The following TFCP2L1 variants were observed in gnomAD, a reference collection of about 807,000 sequenced individuals.
The protein encoded by TFCP2L1 is transcription factor CP2-like protein 1.
A neutral mutation model predicts 72.2 loss-of-function variants in TFCP2L1; 12 were observed. The observed-to-expected ratio is 0.17, with a 90% CI of 0.11 to 0.27. TFCP2L1 has a LOEUF of 0.27. Ranked by LOEUF, TFCP2L1 falls within the 10% of genes least tolerant of loss-of-function variation. The pLI is 1.00. For synonymous variants in TFCP2L1, 260 were observed against 251.0 expected, an observed-to-expected ratio of 1.04 and a Z score of -0.34; for missense variants, 488 against 624.6, an observed-to-expected ratio of 0.78 and a Z score of 2.33.
chr2:121,233,314 T>A (rs564504969), intron 12 of TFCP2L1, among the ~76,000 whole-genome samples: 4 of 152,174 alleles, frequency 2.6e-5, no homozygotes, highest in Non-Finnish European at 5.9e-5. Context: ...ATGATTCTCC[T>A]GCCTCAGCTG....
At chr2:121,225,460 G>T in intron 14 of TFCP2L1, 102 bp downstream of exon 14, 3 of 1,132,626 alleles carry the variant, frequency 2.6e-6, no homozygotes, top group Non-Finnish European at 3.9e-6. Flanking sequence ...TTTCTCAAAG[G>T]CTTTTCCCAG....
intron 2 of TFCP2L1, among the ~76,000 whole-genome samples, chr2:121,250,887 GA>G (rs545513573): frequency 1.0e-3 from 151 of 151,754 alleles, no homozygotes; most frequent in Admixed American, 9.2e-3. Flanking sequence ...TTACAGGCGT[GA>G]GCCACCATGC....
At chr2:121,240,687 G>T (rs1686350051) in intron 7 of TFCP2L1, 2 of 985,282 alleles carry the variant, frequency 2.0e-6, no homozygotes, top group Non-Finnish European at 2.4e-6. Flanking sequence ...GAGAGGTTGA[G>T]GCTGTTAGGG....
chr2:121,240,365 G>A, intron 7 of TFCP2L1: 1 of 985,452 alleles, frequency 1.0e-6, no homozygotes, highest in Non-Finnish European at 1.2e-6. Flanking sequence ...CTATCCAGCT[G>A]AAAAAGTTCA....
intron 13 of TFCP2L1, 71 bp from the exon 14 acceptor site, chr2:121,225,684 C>T (rs1686014903): frequency 4.5e-6 from 7 of 1,545,378 alleles, no homozygotes; most frequent in Admixed American, 1.7e-5. Flanking sequence ...GGTGGCAGAG[C>T]CTAGCCATGC....
rs1440852119 is a variant in TFCP2L1, at chr2:121,220,265, G to C, written c.*4076C>G. The C allele has an allele frequency of 6.6e-6, 1 of 152,226 alleles. No homozygotes were observed. The highest frequency in any genetic ancestry group is 1.5e-5 in the Non-Finnish European group (1 of 68,102). 9.4% of individuals were successfully genotyped at this position (152,226 alleles called of 1,614,324 possible). A position where few individuals can be genotyped will look rare whatever the true frequency, so the allele number is the denominator to read the frequency against. ...AAGGGGCTCTGGGCTGTCTGGGCAA[G>C]AGGTCACTAGGGCAACACCTGACCT... On this transcript the variant is annotated 3_prime_UTR_variant, in exon 15 of 15. Transcript: ENST00000263707.
chr2:121,278,288 G>A (rs1334733304), intron 2 of TFCP2L1, among the ~76,000 whole-genome samples: 1 of 148,626 alleles, frequency 6.7e-6, no homozygotes, highest in African/African-American at 2.5e-5. Context: ...CACCCGCCTC[G>A]GCCTCCCAAA....
chr2:121,232,012 T>C lies in TFCP2L1; in HGVS notation c.1199-44A>G, dbSNP rs28547123. 4.4e-3 allele frequency: 6,800 copies of C among 1,543,132 alleles called. 217 individuals are homozygous for C. In the African/African-American group the frequency reaches 0.068, roughly 15 times the overall value. On this transcript the variant is annotated intron_variant, in intron 12 of 14. Transcript: ENST00000263707. ...AGTGCTGCTTTCCAAGTGGCCATTC[T>C]GTCAGTGTGAGCCTCCCACCCGCCC...
At chr2:121,270,719 G>C (rs911725685) in intron 2 of TFCP2L1, among the ~76,000 whole-genome samples, 4 of 151,818 alleles carry the variant, frequency 2.6e-5, no homozygotes, top group Admixed American at 2.0e-4. Flanking sequence ...AAAAAAAAAA[G>C]CAGCAGGACA....
intron 2 of TFCP2L1, among the ~76,000 whole-genome samples, chr2:121,260,234 A>G (rs2104728037): frequency 6.6e-6 from 1 of 152,222 alleles, no homozygotes; most frequent in African/African-American, 2.4e-5. Flanking sequence ...TAAGTAGCCT[A>G]CAGCCTGGCC....
At chr2:121,276,351 T>G (rs1395316982) in intron 2 of TFCP2L1, among the ~76,000 whole-genome samples, 1 of 151,824 alleles carries the variant, frequency 6.6e-6, no homozygotes, top group Non-Finnish European at 1.5e-5. Flanking sequence ...TTGCTGAGAA[T>G]GATGGGTTTT....
chr2:121,243,315 G>C (rs1013889619), intron 6 of TFCP2L1, among the ~76,000 whole-genome samples: 5 of 152,170 alleles, frequency 3.3e-5, no homozygotes, highest in Non-Finnish European at 7.3e-5. Flanking sequence ...CAAGCTCAAC[G>C]GCACCTTGAG....
intron 11 of TFCP2L1, among the ~76,000 whole-genome samples, chr2:121,234,704 C>T (rs999222110): frequency 1.3e-5 from 2 of 152,206 alleles, no homozygotes; most frequent in Non-Finnish European, 2.9e-5. Context: ...ATAAAAATTT[C>T]GTCCATCACA....
At chr2:121,276,560 G>A (rs1455828493) in intron 2 of TFCP2L1, among the ~76,000 whole-genome samples, 3 of 151,348 alleles carry the variant, frequency 2.0e-5, no homozygotes, top group Admixed American at 6.6e-5. Flanking sequence ...CTGAGCCCGC[G>A]AGGCAGAGGC....
Position 121,222,331 on chromosome 2 carries a change from C to G in TFCP2L1, c.*2010G>C, listed in dbSNP as rs1685942147. On this transcript the variant is annotated 3_prime_UTR_variant, in exon 15 of 15. Transcript: ENST00000263707. The stretch of plus-strand genomic sequence containing the variant: ...TGCTAAAAGAAATGAAAACATATGT[C>G]CACACAAAATCTTGTAGAAATATGT... The G allele has an allele frequency of 6.6e-6, 1 of 152,176 alleles. No homozygotes were observed. The highest frequency in any genetic ancestry group is 2.1e-4 in the South Asian group (1 of 4,826). The allele number at this position is 152,176 out of a possible 1,614,324, so 9.4% of individuals were successfully genotyped here.
chr2:121,235,392 A>T, intron 10 of TFCP2L1, 81 bp from the exon 11 acceptor site: 9 of 1,082,040 alleles, frequency 8.3e-6, no homozygotes, highest in Non-Finnish European at 1.2e-5. Flanking sequence ...CAGACCCCAT[A>T]GCACTGGGGG....
rs1461922005 is a variant in TFCP2L1 at position 121,281,235 on chromosome 2, T to C, written c.99A>G (p.Glu33=). 4 of 1,610,140 alleles carry C rather than the reference T, an allele frequency of 2.5e-6. No homozygotes were observed. Among genetic ancestry groups the C allele is most frequent in the South Asian group, 1.1e-5 (1 of 90,920 alleles). ...VLALPIFKQE[E]PQLSPENEAR... ...CCTCGTTCTCGGGGGACAGCTGGGG[T>C]TCCTCCTGCTTGAAGATGGGCAGAG... The change falls in exon 2 of 15, where the codon GAA becomes GAG. Residue 33 remains glutamate, a synonymous_variant. Transcript: ENST00000263707.
intron 2 of TFCP2L1, among the ~76,000 whole-genome samples, chr2:121,275,111 G>A (rs187275281): frequency 4.7e-4 from 71 of 152,132 alleles, no homozygotes; most frequent in Non-Finnish European, 8.1e-4. Context: ...GAGGCTGGGC[G>A]CGGTGGCTCA....
In TFCP2L1 at chr2:121,246,967, G is replaced by A. The variant is rs772513568; in HGVS notation, c.508C>T (p.His170Tyr). Residue 170 changes from histidine (H) to tyrosine (Y), a missense_variant, in exon 6 of 15, where the codon CAC (histidine) becomes TAC (tyrosine). His to Tyr is a moderately conservative substitution (Grantham distance 83, BLOSUM62 2). This residue lies in a region of TFCP2L1 where 129 missense variants were observed against 236.0 expected (regional missense o/e 0.55). Coordinates refer to ENST00000263707, the MANE Select transcript of TFCP2L1 (RefSeq NM_014553.3). The part of the protein sequence containing the change: ...AKRASAFIQV[H>Y]CISTEFTPRK... ...GGGGTGAATTCTGTGCTGATGCAGTGTACCTGGGAGGAGAAACGTTGGGCA... is the reference window on the plus strand; with the variant it reads ...GGGGTGAATTCTGTGCTGATGCAGTATACCTGGGAGGAGAAACGTTGGGCA... 6.2e-7 allele frequency: 1 copy of A among 1,614,120 alleles called. No homozygotes were observed. Among genetic ancestry groups the A allele is most frequent in the Non-Finnish European group, 8.5e-7 (1 of 1,180,004 alleles).
Sources: gnomAD v4.1 joint callset for allele counts (sites outside exome capture counted in the v4.1 genomes callset) on GRCh38, gnomAD v4.1.1 for gene constraint, gnomAD v4.1.1 regional missense constraint, MANE v1.5 for transcripts, NCBI Gene and HGNC (gene_info 2026-07-23, HGNC 2026-07-21) for gene names.